The following NXPE1 variants were observed in gnomAD, a reference collection of about 807,000 sequenced individuals.
NXPE1 encodes the protein NXPE family member 1.
NXPE1 carries 31 observed loss-of-function variants against 33.3 expected under a neutral mutation model. The observed-to-expected ratio is 0.93, with a 90% CI of 0.70 to 1.26. The LOEUF (loss-of-function observed/expected upper bound fraction) is 1.26, where lower values mean the gene tolerates loss of function less well. NXPE1 is among the 50% of genes most tolerant of loss of function. The pLI, the probability that NXPE1 is intolerant of heterozygous loss-of-function variation, is 0.00. For synonymous variants in NXPE1, 229 were observed against 231.4 expected (o/e 0.99, Z 0.09); for missense variants, 661 against 655.6 (o/e 1.01, Z -0.09).
chr11:114,526,316 C>T, intron 7 of NXPE1, among the ~76,000 whole-genome samples: 1 of 152,164 alleles, frequency 6.6e-6, no homozygotes, highest in East Asian at 1.9e-4. Flanking sequence ...TTTATTATAG[C>T]AGCAATAAGA....
intron 1 of NXPE1, among the ~76,000 whole-genome samples, chr11:114,553,302 T>C (rs1356035310): frequency 6.6e-6 from 1 of 152,074 alleles, no homozygotes; most frequent in Middle Eastern, 3.2e-3. Flanking sequence ...CCTCGGAGAG[T>C]CCCTCATTCG....
At chr11:114,552,069 G>C (rs530139253) in exon 3 of NXPE1, 1 of 152,278 alleles carries the variant, frequency 6.6e-6, no homozygotes, top group Admixed American at 6.5e-5. Context: ...ATCTGGATGC[G>C]CAGAGCAATT....
At chr11:114,519,329 A>T (rs1016321652), downstream of NXPE1, among the ~76,000 whole-genome samples, 1 of 152,182 alleles carries the variant, frequency 6.6e-6, no homozygotes, top group South Asian at 2.1e-4. Flanking sequence ...TATCCCATTA[A>T]CACTTATTCC....
chr11:114,524,992 T>C (rs1478393388), intron 7 of NXPE1, among the ~76,000 whole-genome samples: 1 of 152,238 alleles, frequency 6.6e-6, no homozygotes, highest in Non-Finnish European at 1.5e-5. Context: ...CAGATAATTA[T>C]GGTAAATCTT....
At chr11:114,538,387 A>G (rs1294273807) in intron 5 of NXPE1, among the ~76,000 whole-genome samples, 1 of 152,204 alleles carries the variant, frequency 6.6e-6, no homozygotes, top group Non-Finnish European at 1.5e-5. Context: ...TTCATGTCTA[A>G]AACACCAAAA....
intron 5 of NXPE1, among the ~76,000 whole-genome samples, chr11:114,544,097 T>C (rs1041089597): frequency 1.1e-4 from 16 of 152,138 alleles, no homozygotes; most frequent in African/African-American, 3.6e-4. Context: ...TCTAAATAAA[T>C]GGAGAGAGAT....
At chr11:114,538,917 A>T (rs571945088) in intron 5 of NXPE1, among the ~76,000 whole-genome samples, 1 of 152,302 alleles carries the variant, frequency 6.6e-6, no homozygotes, top group East Asian at 1.9e-4. Context: ...CATTTGACCC[A>T]GCCATCCCAT....
intron 5 of NXPE1, among the ~76,000 whole-genome samples, chr11:114,538,553 A>T (rs571833137): frequency 1.0e-3 from 155 of 152,378 alleles, no homozygotes; most frequent in African/African-American, 3.6e-3. Context: ...TAATATCCAG[A>T]ATCTACAATG....
intron 6 of NXPE1, 141 bp downstream of exon 6, chr11:114,530,034 G>C (rs1046147609): frequency 1.2e-6 from 1 of 819,786 alleles, no homozygotes; most frequent in Non-Finnish European, 1.9e-6. Flanking sequence ...GTGGTGAGTA[G>C]AGGCCCCAAG....
At chr11:114,556,712 G>C (rs1291206375) in intron 1 of NXPE1, among the ~76,000 whole-genome samples, 1 of 151,652 alleles carries the variant, frequency 6.6e-6, no homozygotes, top group African/African-American at 2.4e-5. Flanking sequence ...TTTTTCCAGA[G>C]TTTAATACTG....
intron 6 of NXPE1, chr11:114,528,902 G>A: frequency 1.7e-6 from 1 of 577,756 alleles, no homozygotes; most frequent in Admixed American, 2.3e-5. Flanking sequence ...TTGATGGGTA[G>A]GAAGAGATTT....
downstream of NXPE1, chr11:114,521,512 A>G (rs1430114248): frequency 6.5e-6 from 1 of 154,440 alleles, no homozygotes; most frequent in East Asian, 1.9e-4. Flanking sequence ...CAGTCCTGGA[A>G]TCAGCCTTCC....
intron 5 of NXPE1, among the ~76,000 whole-genome samples, chr11:114,544,343 C>G (rs914887381): frequency 6.6e-6 from 1 of 152,100 alleles, no homozygotes; most frequent in Non-Finnish European, 1.5e-5. Flanking sequence ...ACAAAGCTGC[C>G]GTTATCAAGA....
intron 5 of NXPE1, among the ~76,000 whole-genome samples, chr11:114,541,754 T>C (rs1342073633): frequency 6.6e-6 from 1 of 152,194 alleles, no homozygotes; most frequent in Non-Finnish European, 1.5e-5. Flanking sequence ...CTGAGATTAA[T>C]AGAAGAATTT....
exon 6 of NXPE1, chr11:114,530,405 A>G (rs1170702261): frequency 6.2e-7 from 1 of 1,614,226 alleles, no homozygotes; most frequent in East Asian, 2.2e-5. Context: ...AAATAATTTT[A>G]TCATAGCCTT....
rs754802719 is a variant in NXPE1, at chr11:114,540,885, T to TTTTTTTTTTTTTTG, written c.100-9978_100-9977insCAAAAAAAAAAAAA. On this transcript the variant is annotated intron_variant, in intron 5 of 8. Coordinates refer to ENST00000534921, the Ensembl canonical transcript of NXPE1. Reference sequence around the variant, plus strand: ...TTTTTTTTTTTTTTTTTTTTTTTTTTGGCTTGAACAACCTGAGAGCAGAGT... The same window carrying TTTTTTTTTTTTTTG: ...TTTTTTTTTTTTTTTTTTTTTTTTTTTTTTTTTTTTTTTGGGCTTGAACAACCTGAGAGCAGAGT... Among the ~76,000 whole-genome samples the TTTTTTTTTTTTTTG allele has an allele frequency of 3.7e-5, 3 of 81,242 alleles. 1 individual carries two copies. Among genetic ancestry groups the TTTTTTTTTTTTTTG allele is most frequent in the Non-Finnish European group, 7.4e-5 (3 of 40,696 alleles). The allele number at this position is 81,242 out of a possible 152,430, so 53.3% of individuals were successfully genotyped here.
Position 114,548,231 on chromosome 11 carries a change from G to C in NXPE1, c.99+2872C>G, listed in dbSNP as rs188879313. On this transcript the variant is annotated intron_variant, in intron 5 of 8. Transcript: ENST00000534921. Reference sequence around the variant, plus strand: ...AATACTTAGAGAAATTCACTTTAAGGATAGCCACATCTAATATGTGACTTA... The same window carrying C: ...AATACTTAGAGAAATTCACTTTAAGCATAGCCACATCTAATATGTGACTTA... Among the ~76,000 whole-genome samples, 450 of 152,188 alleles carry C rather than the reference G, an allele frequency of 3.0e-3. 3 individuals carry two copies. The highest frequency in any genetic ancestry group is 0.011 in the African/African-American group (437 of 41,540).
At chr11:114,540,885 T>TTTTTTTTTTTTTG (rs754802719) in intron 5 of NXPE1, among the ~76,000 whole-genome samples, 5 of 81,242 alleles carry the variant, frequency 6.2e-5, no homozygotes, top group Non-Finnish European at 7.4e-5. Flanking sequence ...TTTTTTTTTT[T>TTTTTTTTTTTTTG]GGCTTGAACA....
intron 5 of NXPE1, among the ~76,000 whole-genome samples, chr11:114,544,708 A>T (rs1380691336): frequency 1.3e-5 from 2 of 152,176 alleles, no homozygotes. Context: ...CCATGAAAGA[A>T]AAACTGATAA....
Sources: allele counts gnomAD v4.1 joint callset (sites outside exome capture counted in the v4.1 genomes callset), GRCh38; gene constraint gnomAD v4.1.1; transcripts MANE v1.5; gene names NCBI Gene and HGNC (gene_info 2026-07-23, HGNC 2026-07-21).